The following TRPC5 variants were observed in gnomAD, a reference collection of about 807,000 sequenced individuals.
TRPC5 encodes short transient receptor potential channel 5.
In TRPC5, 9 loss-of-function variants were observed where a neutral mutation model predicts 56.5. That is an observed-to-expected ratio of 0.16 (90% confidence interval 0.10 to 0.28). The LOEUF (loss-of-function observed/expected upper bound fraction) is 0.28, where lower values mean the gene tolerates loss of function less well. TRPC5 is among the 10% of genes least tolerant of loss of function. The pLI, the probability that TRPC5 is intolerant of heterozygous loss-of-function variation, is 1.00. For synonymous variants in TRPC5, 282 were observed against 278.5 expected (o/e 1.01, Z -0.13); for missense variants, 469 against 748.9 (o/e 0.63, Z 4.36).
At chrX:112,018,168 T>G (rs918303230) in intron 1 of TRPC5, among the ~76,000 whole-genome samples, 1 of 112,549 alleles carries the variant, frequency 8.9e-6, no homozygotes, top group African/African-American at 3.2e-5. Context: ...TGTATTATAT[T>G]TCTACTGGAC....
chrX:111,893,723 C>A (rs1924922232), intron 3 of TRPC5, among the ~76,000 whole-genome samples: 1 of 111,813 alleles, frequency 8.9e-6, no homozygotes, highest in Non-Finnish European at 1.9e-5. Context: ...CTGCACAATT[C>A]TTTCCTTTCT....
intron 3 of TRPC5, chrX:111,876,113 G>T (rs1006742088): frequency 9.0e-6 from 1 of 110,981 alleles, no homozygotes. Flanking sequence ...TTCTGAAGAG[G>T]TGGGAGCTAT....
intron 1 of TRPC5, among the ~76,000 whole-genome samples, chrX:112,027,741 C>T (rs893664737): frequency 9.0e-5 from 10 of 111,269 alleles, no homozygotes; most frequent in African/African-American, 2.6e-4. Context: ...CATGATCCAC[C>T]CACCTTGGCC....
chrX:111,900,889 A>G (rs1023778768), intron 3 of TRPC5, among the ~76,000 whole-genome samples: 1 of 111,932 alleles, frequency 8.9e-6, no homozygotes, highest in African/African-American at 3.2e-5. Flanking sequence ...GCCAATATCT[A>G]GATTTTCAAA....
intron 1 of TRPC5, among the ~76,000 whole-genome samples, chrX:112,022,490 C>T (rs1425663666): frequency 1.8e-5 from 2 of 111,850 alleles, no homozygotes; most frequent in Non-Finnish European, 3.8e-5. Context: ...AGAACAATGC[C>T]TGACACATAG....
chrX:111,999,291 T>G (rs2148659136), intron 1 of TRPC5, among the ~76,000 whole-genome samples: 1 of 111,910 alleles, frequency 8.9e-6, no homozygotes, highest in East Asian at 2.8e-4. Flanking sequence ...TCTAGCCTCT[T>G]GGAAACACTA....
rs184488868 is a variant in TRPC5 at position 111,842,978 on chromosome X, G to C, written c.1700+4136C>G. ...CTGCAAATGGCTTGCACATAAAACT[G>C]GTGAAATCTGAATGAGGCCACTGGA... On this transcript the variant is annotated intron_variant, in intron 6 of 10. Coordinates refer to ENST00000262839, the MANE Select transcript of TRPC5 (RefSeq NM_012471.3). Among the ~76,000 whole-genome samples, 5 of 112,475 alleles carry C rather than the reference G, an allele frequency of 4.4e-5. No individual in the cohort carries two copies. In the East Asian group the frequency reaches 1.1e-3, roughly 25 times the overall value.
At chrX:111,786,561 A>C in intron 7 of TRPC5, among the ~76,000 whole-genome samples, 1 of 111,341 alleles carries the variant, frequency 9.0e-6, no homozygotes, top group Non-Finnish European at 1.9e-5. Flanking sequence ...ATTCACACAT[A>C]AAATATTAAC....
chrX:112,021,018 C>T (rs187025179), intron 1 of TRPC5, among the ~76,000 whole-genome samples: 27 of 108,442 alleles, frequency 2.5e-4, no homozygotes, highest in African/African-American at 8.4e-4. Flanking sequence ...TTATCTTCCT[C>T]GTTACCACCT....
Position 112,082,774 on chromosome X carries a change from G to GGT in TRPC5, c.-919_-918dup, listed in dbSNP as rs1194718575. ...ACAACCCGTCGTGGTTGTGATGTGG[G>GGT]GTGTGTGTGTGTGTGTGTGTGTGTG... On this transcript the variant is annotated 5_prime_UTR_variant, in exon 1 of 11. Coordinates refer to ENST00000262839, the MANE Select transcript of TRPC5 (RefSeq NM_012471.3). The GGT allele has an allele frequency of 9.5e-3, 772 of 81,440 alleles. 14 individuals carry two copies. Among genetic ancestry groups the GGT allele is most frequent in the African/African-American group, 0.019 (333 of 17,883 alleles). 6.7% of individuals were successfully genotyped at this position (81,440 alleles called of 1,213,427 possible).
Position 111,952,373 on chromosome X carries a change from G to C in TRPC5, c.48C>G (p.Asp16Glu). Residue 16 changes from aspartate (D) to glutamate (E), a missense_variant, in exon 2 of 11, where the codon GAC becomes GAG. Asp to Glu is a conservative substitution (Grantham distance 45). Coordinates refer to ENST00000262839, the MANE Select transcript of TRPC5 (RefSeq NM_012471.3). ...YKKVNYSPYRDRIPLQIVRAE... is the reference protein window; with the variant it reads ...YKKVNYSPYRERIPLQIVRAE... ...CCCTCACAATTTGCAGGGGGATGCG[G>C]TCTCTGTACGGTGAGTAGTTGACCT... 1 of 1,211,342 alleles carries C rather than the reference G, an allele frequency of 8.3e-7. No individual in the cohort carries two copies.
chrX:112,065,476 A>C (rs929706447), intron 1 of TRPC5, among the ~76,000 whole-genome samples: 2 of 111,929 alleles, frequency 1.8e-5, no homozygotes, highest in African/African-American at 6.5e-5. Flanking sequence ...GATTTAGGAT[A>C]TTGCCTTCAA....
intron 2 of TRPC5, among the ~76,000 whole-genome samples, chrX:111,914,990 C>A (rs1925931334): frequency 9.0e-6 from 1 of 111,161 alleles, no homozygotes; most frequent in Admixed American, 9.5e-5. Context: ...ACCTGTAGCA[C>A]AGGATTCCCT....
In TRPC5 at chrX:111,944,299, T is replaced by TGAAA. The variant is rs1467346328; in HGVS notation, c.378+7743_378+7744insTTTC. On this transcript the variant is annotated intron_variant, in intron 2 of 10. Coordinates refer to ENST00000262839, the MANE Select transcript of TRPC5 (RefSeq NM_012471.3). ...GTGTGTGTGTGTGTGTGTGTGTGTG[T>TGAAA]GTGTGAGAGAGAGAGAGAGAGAGAG... is the stretch of plus-strand genomic sequence containing the variant. Among the ~76,000 whole-genome samples the TGAAA allele has an allele frequency of 8.0e-3, 715 of 89,013 alleles. 16 individuals carry two copies. The highest frequency in any genetic ancestry group is 0.035 in the African/African-American group (684 of 19,758). 77.3% of individuals were successfully genotyped at this position (89,013 alleles called of 115,157 possible). A position where few individuals can be genotyped will look rare whatever the true frequency, so the allele number is the denominator to read the frequency against.
At chrX:112,066,733 A>G (rs1024051446) in intron 1 of TRPC5, among the ~76,000 whole-genome samples, 3 of 112,582 alleles carry the variant, frequency 2.7e-5, no homozygotes, top group Admixed American at 1.9e-4. Flanking sequence ...TTTGTAAAGC[A>G]CTTAGTGTCT....
At chrX:111,925,158 AT>A (rs1926224611) in intron 2 of TRPC5, among the ~76,000 whole-genome samples, 1 of 112,178 alleles carries the variant, frequency 8.9e-6, no homozygotes, top group African/African-American at 3.2e-5. Context: ...GTAGCTTTCA[AT>A]TTTTTTCCTT....
At chrX:112,026,907 G>GAA (rs372801512) in intron 1 of TRPC5, among the ~76,000 whole-genome samples, 2 of 90,617 alleles carry the variant, frequency 2.2e-5, no homozygotes, top group African/African-American at 8.0e-5. Context: ...GTGAGACCAT[G>GAA]AAAAAAAAAA....
Position 111,769,687 on chromosome X carries a change from A to G in TRPC5, c.*6626T>C, listed in dbSNP as rs1203183584. Among the ~76,000 whole-genome samples the G allele has an allele frequency of 8.9e-6, 1 of 111,898 alleles. No homozygotes were observed. The highest frequency in any genetic ancestry group is 1.9e-5 in the Non-Finnish European group (1 of 53,091). On this transcript the variant is annotated 3_prime_UTR_variant, in exon 11 of 11. Transcript: ENST00000262839. ...CAAGAACAGTTCCAGGTCCCTTACA[A>G]ATCCCACAAGAGACAATCTCATTAT...
At chrX:111,853,089 C>T (rs1478990395) in intron 4 of TRPC5, among the ~76,000 whole-genome samples, 1 of 111,654 alleles carries the variant, frequency 9.0e-6, no homozygotes, top group African/African-American at 3.3e-5. Context: ...ATGTGAATTA[C>T]CTGAGGATCA....
Sources: gnomAD v4.1 joint callset for allele counts (sites outside exome capture counted in the v4.1 genomes callset) on GRCh38, gnomAD v4.1.1 for gene constraint, MANE v1.5 for transcripts, NCBI Gene and HGNC (gene_info 2026-07-23, HGNC 2026-07-21) for gene names.